Variants in FGFR2 observed in about 807,000 individuals in gnomAD.
FGFR2 encodes the protein fibroblast growth factor receptor 2.
Under a neutral mutation model 95.9 loss-of-function variants are expected in FGFR2, and 19 were observed. That is an observed-to-expected ratio of 0.20 (90% confidence interval 0.14 to 0.29). The LOEUF (loss-of-function observed/expected upper bound fraction) is 0.29. Among genes scored for constraint, FGFR2 ranks in the 10% least tolerant of loss-of-function variants. The probability of loss-of-function intolerance (pLI) is 1.00; values close to 1 mark genes in which losing one functional copy is unlikely to be tolerated. For synonymous variants in FGFR2, 392 were observed against 393.3 expected (o/e 1.00, Z 0.04); for missense variants, 707 against 1,056.9 (o/e 0.67, Z 4.59).
At chr10:121,576,285 TACGTTACAA>T (rs1564723621) in intron 2 of FGFR2, among the ~76,000 whole-genome samples, 4 of 152,198 alleles carry the variant, frequency 2.6e-5, no homozygotes, top group Non-Finnish European at 5.9e-5. Flanking sequence ...AATAGATACT[TACGTTACAA>T]GCTATGTTGA....
At chr10:121,595,060 T>A (rs1405305605) in intron 1 of FGFR2, among the ~76,000 whole-genome samples, 1 of 152,222 alleles carries the variant, frequency 6.6e-6, no homozygotes, top group Non-Finnish European at 1.5e-5. Context: ...CTTTAGAGAA[T>A]GATTAAAACA....
Position 121,525,624 on chromosome 10 carries a change from GGAGAGAGAGA to G in FGFR2, c.749-5465_749-5456del, listed in dbSNP as rs3035990. 1.4e-3 allele frequency among the ~76,000 whole-genome samples: 215 copies of G among 149,368 alleles called. 1 individual carries two copies. The highest frequency in any genetic ancestry group is 4.8e-3 in the African/African-American group (194 of 40,474). On this transcript the variant is annotated intron_variant, in intron 6 of 17. Transcript: ENST00000358487. ...TTCCTTCCAAGAGGTCATTATTGAGGGAGAGAGAGAGAGAGAGAGAGAGGAAAAAAATACC... is the reference window on the plus strand; with the variant it reads ...TTCCTTCCAAGAGGTCATTATTGAGGGAGAGAGAGAGAGGAAAAAAATACC...
chr10:121,551,617 C>G (rs1023077435), intron 4 of FGFR2, among the ~76,000 whole-genome samples, 158 bp from the exon 5 acceptor site: 1 of 151,844 alleles, frequency 6.6e-6, no homozygotes, highest in Non-Finnish European at 1.5e-5. Context: ...TTTCAGAAGT[C>G]TAATCCAGCT....
chr10:121,585,444 A>T (rs1861678874), intron 2 of FGFR2, among the ~76,000 whole-genome samples: 1 of 152,218 alleles, frequency 6.6e-6, no homozygotes, highest in Non-Finnish European at 1.5e-5. Context: ...ACAGGGAAGA[A>T]ATCAGCATTT....
intron 2 of FGFR2, among the ~76,000 whole-genome samples, chr10:121,570,707 G>A (rs916985953): frequency 6.6e-6 from 1 of 152,212 alleles, no homozygotes. Context: ...TCCACAGACA[G>A]AGAATATGTT....
chr10:121,537,309 T>A (rs1589901057), intron 6 of FGFR2, among the ~76,000 whole-genome samples: 7 of 152,354 alleles, frequency 4.6e-5, no homozygotes, highest in Admixed American at 4.6e-4. Flanking sequence ...AAGTAATGGT[T>A]ATATCATGCT....
chr10:121,517,101 A>G lies in FGFR2; in HGVS notation c.1084+218T>C. 1 of 612,442 alleles carries G rather than the reference A, an allele frequency of 1.6e-6. No individual in the cohort carries two copies. Among genetic ancestry groups the G allele is most frequent in the Non-Finnish European group, 2.9e-6 (1 of 346,654 alleles). The allele number at this position is 612,442 out of a possible 1,614,324, so 37.9% of individuals were successfully genotyped here. A position where few individuals can be genotyped will look rare whatever the true frequency, so the allele number is the denominator to read the frequency against. On this transcript the variant is annotated intron_variant, in intron 8 of 17. Transcript: ENST00000358487. The surrounding 1 kb of genome is among the most constrained non-coding windows in gnomAD (Gnocchi z 4.7). ...AAAATATGAGATCCCTTCAGGTTTT[A>G]AGGGTGAAATTTCCCTTGATCATAA...
In FGFR2 at chr10:121,526,082, G is replaced by A. The variant is rs192526578; in HGVS notation, c.749-5913C>T. ...GGAAACAGCCAGTCTCCTGCTCTCAGGCCCCCATTCATGTAAGGAGCGTGG... is the reference window on the plus strand; with the variant it reads ...GGAAACAGCCAGTCTCCTGCTCTCAAGCCCCCATTCATGTAAGGAGCGTGG... On this transcript the variant is annotated intron_variant, in intron 6 of 17. Coordinates refer to ENST00000358487, the MANE Select transcript of FGFR2 (RefSeq NM_000141.5). 5.0e-5 allele frequency: 20 copies of A among 398,010 alleles called. No homozygotes were observed. The East Asian group carries it at 7.1e-4, about 14-fold the overall frequency. The allele number at this position is 398,010 out of a possible 1,614,324, so 24.7% of individuals were successfully genotyped here.
chr10:121,591,975 C>T (rs987137701), intron 2 of FGFR2, among the ~76,000 whole-genome samples: 5 of 152,198 alleles, frequency 3.3e-5, no homozygotes, highest in Non-Finnish European at 7.3e-5. Context: ...TTTAAACTTC[C>T]TTCAAGAATT....
chr10:121,578,605 C>T (rs552089483), intron 2 of FGFR2, among the ~76,000 whole-genome samples: 15 of 152,362 alleles, frequency 9.8e-5, no homozygotes, highest in Non-Finnish European at 2.2e-4. Context: ...CTTCCTTGCT[C>T]CCACTTCCAA....
intron 6 of FGFR2, among the ~76,000 whole-genome samples, chr10:121,532,868 G>C (rs1248859570): frequency 6.6e-6 from 1 of 152,174 alleles, no homozygotes; most frequent in Non-Finnish European, 1.5e-5. Flanking sequence ...GCGCTTTCAG[G>C]CTGTGTCCTA....
intron 10 of FGFR2, among the ~76,000 whole-genome samples, chr10:121,501,857 A>AT (rs1780002944): frequency 6.6e-6 from 1 of 152,230 alleles, no homozygotes; most frequent in Non-Finnish European, 1.5e-5. Context: ...GAAAATAAAT[A>AT]TTTGCATTGG....
chr10:121,510,588 T>C (rs1463751075), intron 9 of FGFR2, among the ~76,000 whole-genome samples: 1 of 151,880 alleles, frequency 6.6e-6, no homozygotes, highest in East Asian at 1.9e-4. Context: ...CCATCCCCCT[T>C]CCCGGAATTT....
intron 1 of FGFR2, among the ~76,000 whole-genome samples, chr10:121,596,934 C>T (rs1314891004): frequency 6.6e-6 from 1 of 152,136 alleles, no homozygotes; most frequent in Non-Finnish European, 1.5e-5. Flanking sequence ...GAAAATGAGT[C>T]GAGCCCGGTG....
intron 4 of FGFR2, among the ~76,000 whole-genome samples, chr10:121,554,098 G>A (rs1242575342): frequency 6.6e-6 from 1 of 152,198 alleles, no homozygotes; most frequent in African/African-American, 2.4e-5. Context: ...ATCTGCTTCT[G>A]CAAAACACAG....
intron 16 of FGFR2, 29 bp from the exon 17 acceptor site, chr10:121,483,832 T>C: frequency 6.5e-7 from 1 of 1,538,382 alleles, no homozygotes; most frequent in Non-Finnish European, 9.0e-7. Flanking sequence ...CTTGAATTAA[T>C]TTCATATGCA....
chr10:121,558,422 C>G (rs536813666), intron 4 of FGFR2, among the ~76,000 whole-genome samples: 1 of 152,318 alleles, frequency 6.6e-6, no homozygotes, highest in African/African-American at 2.4e-5. Flanking sequence ...CATCACAGGA[C>G]TGTTCCACTT....
intron 17 of FGFR2, 65 bp downstream of exon 17, chr10:121,483,633 G>T: frequency 8.5e-7 from 1 of 1,180,882 alleles, no homozygotes. Context: ...GAGTGTGTGT[G>T]TAAAACACTA....
At chr10:121,522,335 T>C (rs1254560864) in intron 6 of FGFR2, among the ~76,000 whole-genome samples, 8 of 152,158 alleles carry the variant, frequency 5.3e-5, no homozygotes, top group Admixed American at 5.2e-4. Context: ...CGCAGGAGGA[T>C]TGCTTGAGGC....
Sources: gnomAD v4.1 joint callset for allele counts (sites outside exome capture counted in the v4.1 genomes callset) on GRCh38, gnomAD v4.1.1 for gene constraint, Gnocchi (gnomAD v3.1) non-coding constraint, MANE v1.5 for transcripts, NCBI Gene and HGNC (gene_info 2026-07-23, HGNC 2026-07-21) for gene names.